Variants in B3GALT1 observed in about 807,000 individuals in gnomAD.
The protein encoded by B3GALT1 is UDP-Gal:betaGlcNAc beta 1,3-galactosyltransferase, polypeptide 1.
B3GALT1 carries 10 observed loss-of-function variants against 23.2 expected under a neutral mutation model. The observed-to-expected ratio is 0.43, with a 90% CI of 0.27 to 0.73. The LOEUF is 0.73. Ranked by LOEUF, B3GALT1 falls within the 30% of genes least tolerant of loss-of-function variation. The pLI is 0.21. For synonymous variants in B3GALT1, 156 were observed against 141.5 expected, an observed-to-expected ratio of 1.10 and a Z score of -0.73; for missense variants, 299 against 405.4, an observed-to-expected ratio of 0.74 and a Z score of 2.25.
At chr2:167,753,745 T>G (rs998695280) in intron 3 of B3GALT1, among the ~76,000 whole-genome samples, 1 of 152,198 alleles carries the variant, frequency 6.6e-6, no homozygotes, top group Non-Finnish European at 1.5e-5. Context: ...TGCAGACCTT[T>G]CATTCACACT....
At chr2:167,626,041 G>T (rs1165787182) in intron 2 of B3GALT1, among the ~76,000 whole-genome samples, 2 of 144,962 alleles carry the variant, frequency 1.4e-5, no homozygotes, top group African/African-American at 5.2e-5. Flanking sequence ...CACTTTGAAG[G>T]GAACAATTTT....
rs72878710 is a variant in B3GALT1, at chr2:167,782,287, C to G, written c.-351-36385C>G. 5.0e-3 allele frequency among the ~76,000 whole-genome samples: 762 copies of G among 152,258 alleles called. 7 individuals are homozygous for G. The highest frequency in any genetic ancestry group is 0.014 in the Middle Eastern group (4 of 294). ...GGAATCCTGAAGAGGAACGGCGATG[C>G]CCCTGGTGACTTTATTGAACATCCC... On this transcript the variant is annotated intron_variant, in intron 3 of 4. Coordinates refer to ENST00000392690, the MANE Select transcript of B3GALT1 (RefSeq NM_020981.4).
At chr2:167,485,935 C>T (rs1011192916) in intron 1 of B3GALT1, among the ~76,000 whole-genome samples, 3 of 152,064 alleles carry the variant, frequency 2.0e-5, no homozygotes, top group African/African-American at 4.8e-5. Flanking sequence ...GACTGAAGGT[C>T]GTGATATCTT....
chr2:167,808,238 G>C (rs910066598), intron 3 of B3GALT1, among the ~76,000 whole-genome samples: 1 of 150,784 alleles, frequency 6.6e-6, no homozygotes, highest in African/African-American at 2.5e-5. Context: ...CACACTGATG[G>C]GTCTTGACTC....
intron 3 of B3GALT1, among the ~76,000 whole-genome samples, chr2:167,794,066 T>C (rs769229121): frequency 6.6e-6 from 1 of 152,222 alleles, no homozygotes; most frequent in Non-Finnish European, 1.5e-5. Flanking sequence ...AGCAAACATA[T>C]GATGCGCTTT....
At chr2:167,818,990 T>A (rs960983784) in intron 4 of B3GALT1, among the ~76,000 whole-genome samples, 197 bp downstream of exon 4, 1 of 120,798 alleles carries the variant, frequency 8.3e-6, no homozygotes, top group Admixed American at 1.1e-4. Flanking sequence ...AAAGCCTTAT[T>A]TCTTTTTTAA....
chr2:167,724,374 CAACTT>C (rs1342658806), intron 3 of B3GALT1, among the ~76,000 whole-genome samples: 1 of 152,186 alleles, frequency 6.6e-6, no homozygotes, highest in Non-Finnish European at 1.5e-5. Context: ...ATTTCCCAGA[CAACTT>C]AACATCTACA....
At chr2:167,522,462 CATTTTTCTAG>C (rs1700204657) in intron 2 of B3GALT1, among the ~76,000 whole-genome samples, 1 of 152,066 alleles carries the variant, frequency 6.6e-6, no homozygotes, top group African/African-American at 2.4e-5. Flanking sequence ...CAGATTGACA[CATTTTTCTAG>C]ATTTTTCTAG....
intron 1 of B3GALT1, among the ~76,000 whole-genome samples, chr2:167,428,187 G>A (rs796308572): frequency 1.5e-4 from 23 of 152,254 alleles, no homozygotes; most frequent in African/African-American, 5.3e-4. Flanking sequence ...GCAAACAAAT[G>A]GAACTAGAAA....
Position 167,715,545 on chromosome 2 carries a change from G to A in B3GALT1, c.-352+68579G>A. On this transcript the variant is annotated intron_variant, in intron 3 of 4. Transcript: ENST00000392690. ...GATTTTGACTCATCTTCTAGAGATT[G>A]TATCCTTTTTGAAATATCTGCCATC... is the stretch of plus-strand genomic sequence containing the variant. The A allele has an allele frequency of 1.9e-6, 3 of 1,613,616 alleles. No homozygotes were observed. In the East Asian group the frequency reaches 6.7e-5, roughly 36 times the overall value.
At chr2:167,808,605 G>T (rs4667983) in intron 3 of B3GALT1, among the ~76,000 whole-genome samples, 7 of 149,974 alleles carry the variant, frequency 4.7e-5, no homozygotes, top group Admixed American at 4.0e-4. Flanking sequence ...AATATTGAAT[G>T]TTGGCCCCCA....
chr2:167,513,396 A>C (rs569313579), intron 2 of B3GALT1, among the ~76,000 whole-genome samples: 21 of 152,334 alleles, frequency 1.4e-4, no homozygotes, highest in African/African-American at 5.0e-4. Context: ...ACAAAGGACA[A>C]CAAACGCAAG....
intron 1 of B3GALT1, among the ~76,000 whole-genome samples, chr2:167,299,753 AG>A (rs1696415802): frequency 6.6e-6 from 1 of 151,956 alleles, no homozygotes; most frequent in Non-Finnish European, 1.5e-5. Context: ...TATTGAAGGC[AG>A]CTAAAAATAG....
intron 2 of B3GALT1, among the ~76,000 whole-genome samples, chr2:167,563,938 C>G (rs1431143158): frequency 1.4e-4 from 2 of 14,606 alleles, no homozygotes; most frequent in African/African-American, 3.3e-4. Context: ...GACGGGGCGG[C>G]TGGCCAGGCG....
chr2:167,814,557 C>T (rs1025800238), intron 3 of B3GALT1, among the ~76,000 whole-genome samples: 2 of 151,900 alleles, frequency 1.3e-5, no homozygotes, highest in South Asian at 2.1e-4. Flanking sequence ...GTCAGGAGAT[C>T]GAGAACATCC....
chr2:167,541,210 A>G lies in B3GALT1; in HGVS notation c.-410+50933A>G, dbSNP rs188724003. 1.2e-3 allele frequency among the ~76,000 whole-genome samples: 178 copies of G among 152,264 alleles called. 3 individuals are homozygous for G. Among genetic ancestry groups the G allele is most frequent in the Middle Eastern group, 3.4e-3 (1 of 294 alleles). The stretch of plus-strand genomic sequence containing the variant: ...ATTCTCCTTTCTGATTTTACCGATC[A>G]TATGATCAAGAGGATAAATCGTCAG... On this transcript the variant is annotated intron_variant, in intron 2 of 4. Transcript: ENST00000392690.
chr2:167,484,700 GGCA>G, intron 1 of B3GALT1, among the ~76,000 whole-genome samples: 1 of 152,214 alleles, frequency 6.6e-6, no homozygotes, highest in East Asian at 1.9e-4. Flanking sequence ...TACCCTTAGA[GGCA>G]ATAGGTGGCA....
chr2:167,415,463 T>A (rs1698454609), intron 1 of B3GALT1, among the ~76,000 whole-genome samples: 1 of 152,184 alleles, frequency 6.6e-6, no homozygotes, highest in Non-Finnish European at 1.5e-5. Flanking sequence ...CTTTTATAAA[T>A]GATGGAAAAT....
intron 4 of B3GALT1, among the ~76,000 whole-genome samples, chr2:167,858,979 CA>C (rs1690049654): frequency 6.6e-6 from 1 of 152,014 alleles, no homozygotes; most frequent in African/African-American, 2.4e-5. Context: ...TAAGAATATC[CA>C]TTAATATCAG....
Sources: gnomAD v4.1 joint callset for allele counts (sites outside exome capture counted in the v4.1 genomes callset) on GRCh38, gnomAD v4.1.1 for gene constraint, MANE v1.5 for transcripts, NCBI Gene and HGNC (gene_info 2026-07-23, HGNC 2026-07-21) for gene names.